FGGY: variants seen among roughly 807,000 people sequenced by gnomAD.
FGGY encodes FGGY carbohydrate kinase domain containing.
A neutral mutation model predicts 71.3 loss-of-function variants in FGGY; 72 were observed. The observed-to-expected ratio is 1.01, with a 90% CI of 0.84 to 1.23. The LOEUF is 1.23. Ranked by LOEUF, FGGY falls within the 50% of genes most tolerant of loss-of-function variation. The pLI, the probability that FGGY is intolerant of heterozygous loss-of-function variation, is 0.00. For synonymous variants in FGGY, 251 were observed against 250.3 expected, an observed-to-expected ratio of 1.00 and a Z score of -0.02; for missense variants, 668 against 682.3, an observed-to-expected ratio of 0.98 and a Z score of 0.23.
intron 7 of FGGY, among the ~76,000 whole-genome samples, chr1:59,527,330 C>T (rs539387468): frequency 1.3e-4 from 20 of 152,296 alleles, no homozygotes; most frequent in Admixed American, 6.5e-4. Context: ...TCTTTGCAAC[C>T]GCACTTACCC....
At chr1:59,563,281 A>G in intron 8 of FGGY, among the ~76,000 whole-genome samples, 1 of 152,170 alleles carries the variant, frequency 6.6e-6, no homozygotes. Context: ...TTCAATACCT[A>G]GTTTATGGAT....
intron 5 of FGGY, among the ~76,000 whole-genome samples, chr1:59,391,618 G>A (rs1051707771): frequency 3.3e-5 from 5 of 152,160 alleles, no homozygotes; most frequent in Admixed American, 6.6e-5. Context: ...TGACCTCGAC[G>A]ATTATGATGT....
intron 14 of FGGY, among the ~76,000 whole-genome samples, chr1:59,724,537 T>C (rs1267187466): frequency 6.6e-6 from 1 of 152,128 alleles, no homozygotes; most frequent in African/African-American, 2.4e-5. Flanking sequence ...CCCTCCTTTT[T>C]TCCCAACTCC....
intron 4 of FGGY, among the ~76,000 whole-genome samples, chr1:59,372,976 A>G (rs2057962923): frequency 6.6e-6 from 1 of 152,184 alleles, no homozygotes; most frequent in Non-Finnish European, 1.5e-5. Flanking sequence ...AAAAACTGGA[A>G]GCATTCCATT....
intron 11 of FGGY, among the ~76,000 whole-genome samples, chr1:59,642,385 G>C (rs1354617155): frequency 6.6e-6 from 1 of 152,180 alleles, no homozygotes; most frequent in African/African-American, 2.4e-5. Flanking sequence ...CCAGCACTTT[G>C]GGAGGCCGAG....
chr1:59,492,693 A>G (rs72666209), intron 6 of FGGY, among the ~76,000 whole-genome samples: 9,752 of 152,034 alleles, frequency 0.064, 414 homozygotes, highest in East Asian at 0.12. Flanking sequence ...TTTCCAGGTA[A>G]TAAACCTCGA....
chr1:59,659,790 C>G (rs2097257632), intron 11 of FGGY, among the ~76,000 whole-genome samples: 3 of 152,160 alleles, frequency 2.0e-5, no homozygotes. Context: ...GGATTGGACA[C>G]TGAATGCTGT....
chr1:59,438,987 ATTTT>A (rs937922395), intron 5 of FGGY, among the ~76,000 whole-genome samples: 9 of 152,136 alleles, frequency 5.9e-5, no homozygotes, highest in African/African-American at 1.9e-4. Flanking sequence ...TATCTCATGA[ATTTT>A]TTATATCTAC....
intron 4 of FGGY, among the ~76,000 whole-genome samples, chr1:59,368,503 G>A (rs1435735314): frequency 1.3e-5 from 2 of 152,150 alleles, no homozygotes; most frequent in African/African-American, 4.8e-5. Flanking sequence ...TGTGAGTATT[G>A]TGTATTACCT....
chr1:59,442,431 TG>T (rs1184799163), intron 5 of FGGY, among the ~76,000 whole-genome samples: 2 of 152,182 alleles, frequency 1.3e-5, no homozygotes, highest in Non-Finnish European at 2.9e-5. Context: ...TTTTTGTTTT[TG>T]TTTTTGTTTT....
At chr1:59,439,167 G>T (rs544537770) in intron 5 of FGGY, among the ~76,000 whole-genome samples, 1 of 152,012 alleles carries the variant, frequency 6.6e-6, no homozygotes, top group Non-Finnish European at 1.5e-5. Flanking sequence ...CTCCTCCAGC[G>T]TACTGAATGG....
At chr1:59,736,835 C>T (rs773189834) in intron 14 of FGGY, among the ~76,000 whole-genome samples, 1 of 152,202 alleles carries the variant, frequency 6.6e-6, no homozygotes, top group Non-Finnish European at 1.5e-5. Context: ...AACAAGGAGC[C>T]GAACGTTAAT....
chr1:59,531,623 T>A (rs1176307170), intron 7 of FGGY, among the ~76,000 whole-genome samples: 2 of 152,184 alleles, frequency 1.3e-5, no homozygotes, highest in Non-Finnish European at 2.9e-5. Context: ...CACCATTTTA[T>A]AATACACTAT....
At chr1:59,666,277 C>A (rs907828585) in intron 12 of FGGY, among the ~76,000 whole-genome samples, 1 of 152,204 alleles carries the variant, frequency 6.6e-6, no homozygotes, top group Non-Finnish European at 1.5e-5. Context: ...CTAAACATTT[C>A]AAAGACTTGC....
chr1:59,447,118 T>A lies in FGGY; in HGVS notation c.555-9843T>A, dbSNP rs376314362. On this transcript the variant is annotated intron_variant, in intron 5 of 15. Transcript: ENST00000303721. ...TCCTACCTAACTAGGAAAACTCTGATATGTATATAGAGGGAAATACCTTCA... is the reference window on the plus strand; with the variant it reads ...TCCTACCTAACTAGGAAAACTCTGAAATGTATATAGAGGGAAATACCTTCA... Among the ~76,000 whole-genome samples, 16 of 152,286 alleles carry A rather than the reference T, an allele frequency of 1.1e-4. No homozygotes were observed. The South Asian group carries it at 1.7e-3, about 16-fold the overall frequency.
At chr1:59,552,465 C>T (rs1045509070) in intron 7 of FGGY, among the ~76,000 whole-genome samples, 2 of 152,102 alleles carry the variant, frequency 1.3e-5, no homozygotes, top group Non-Finnish European at 2.9e-5. Context: ...GTTGCTGTGC[C>T]CCAGAAGGTA....
At chr1:59,686,680 T>G (rs1247856733) in intron 14 of FGGY, among the ~76,000 whole-genome samples, 3 of 151,930 alleles carry the variant, frequency 2.0e-5, no homozygotes, top group Non-Finnish European at 4.4e-5. Context: ...TTGAGAGGAG[T>G]TTCATATTCA....
intron 4 of FGGY, among the ~76,000 whole-genome samples, chr1:59,375,284 G>C (rs199701066): frequency 9.8e-5 from 13 of 132,104 alleles, no homozygotes; most frequent in East Asian, 2.4e-4. Flanking sequence ...AAAAAAAAAA[G>C]AAACAAACAA....
chr1:59,501,708 A>C (rs957558447), intron 6 of FGGY, among the ~76,000 whole-genome samples: 1 of 152,242 alleles, frequency 6.6e-6, no homozygotes, highest in Non-Finnish European at 1.5e-5. Context: ...TTCCCTCTGA[A>C]GGCATGCCGT....
Sources: gnomAD v4.1 joint callset for allele counts (sites outside exome capture counted in the v4.1 genomes callset) on GRCh38, gnomAD v4.1.1 for gene constraint, MANE v1.5 for transcripts, NCBI Gene and HGNC (gene_info 2026-07-23, HGNC 2026-07-21) for gene names.